The following LRRC27 variants were observed in gnomAD, a reference collection of about 807,000 sequenced individuals.
LRRC27 encodes the protein leucine rich repeat containing 27, also known as leucine-rich repeat-containing protein 27.
A neutral mutation model predicts 55.0 loss-of-function variants in LRRC27; 57 were observed. That is an observed-to-expected ratio of 1.04 (90% CI 0.84 to 1.29). The LOEUF (loss-of-function observed/expected upper bound fraction) is 1.29. LRRC27 is among the 50% of genes most tolerant of loss of function. The probability of loss-of-function intolerance (pLI) is 0.00; values close to 1 mark genes in which losing one functional copy is unlikely to be tolerated. For missense variants in LRRC27, 721 were observed against 651.5 expected (o/e 1.11, Z -1.16); for synonymous variants, 278 against 251.9 (o/e 1.10, Z -0.98).
chr10:132,363,481 T>A (rs2497652), intron 9 of LRRC27, among the ~76,000 whole-genome samples: 1,948 of 152,196 alleles, frequency 0.013, 37 homozygotes, highest in African/African-American at 0.044. Context: ...GCATTTCCCA[T>A]GCCGACTCTT....
intron 6 of LRRC27, chr10:132,349,183 G>A: frequency 1.4e-6 from 1 of 719,512 alleles, no homozygotes; most frequent in Non-Finnish European, 2.4e-6. Context: ...TTCTCAAGGG[G>A]CACATTGTCA....
At position 132,377,118 on chromosome 10, in the gene LRRC27, T is replaced by G. The variant is rs2069347434; in HGVS notation, c.*1876T>G. The G allele has an allele frequency of 6.6e-6, 1 of 152,258 alleles. No individual in the cohort carries two copies. The highest frequency in any genetic ancestry group is 2.4e-5 in the African/African-American group (1 of 41,456). The allele number at this position is 152,258 out of a possible 1,614,324, so 9.4% of individuals were successfully genotyped here. Reference sequence around the variant, plus strand: ...GCTGTTTTGGTCAGCGTTTTCATAATGCATCTTCTTCCCTCCTTCTACTGT... The same window carrying G: ...GCTGTTTTGGTCAGCGTTTTCATAAGGCATCTTCTTCCCTCCTTCTACTGT... On this transcript the variant is annotated 3_prime_UTR_variant, in exon 11 of 11. Transcript: ENST00000368614.
At chr10:132,361,680 T>TCCAGGCTGTGGCGGGCC (rs1210475720) in intron 9 of LRRC27, 105 bp downstream of exon 9, 71 of 842,740 alleles carry the variant, frequency 8.4e-5, no homozygotes, top group African/African-American at 3.0e-4. Flanking sequence ...GCCCTGAAAC[T>TCCAGGCTGTGGCGGGCC]CCAGGCTGTG....
intron 7 of LRRC27, among the ~76,000 whole-genome samples, chr10:132,352,517 G>GCGCTCGTGGTCTGCAGGGCGTTGC (rs1170253699): frequency 4.3e-5 from 3 of 69,680 alleles, no homozygotes; most frequent in African/African-American, 1.3e-4. Flanking sequence ...GGCAGGCGCA[G>GCGCTCGTGGTCTGCAGGGCGTTGC]GTGCAGCGCT....
In LRRC27 at chr10:132,372,937, TTCCTCAGCTGTTGAG is replaced by T. The variant is rs1316188010; in HGVS notation, c.1417-2128_1417-2114del. Among the ~76,000 whole-genome samples the T allele has an allele frequency of 6.6e-6, 1 of 150,694 alleles. No individual in the cohort carries two copies. The highest frequency in any genetic ancestry group is 1.5e-5 in the Non-Finnish European group (1 of 67,802). Reference sequence around the variant, plus strand: ...GTTCCAGGGCCTCAGTCACGAGAGGTTCCTCAGCTGTTGAGGGAAGCCCCAAGGTGAGGGAGAGGC... The same window carrying T: ...GTTCCAGGGCCTCAGTCACGAGAGGTGGAAGCCCCAAGGTGAGGGAGAGGC... On this transcript the variant is annotated intron_variant, in intron 10 of 10. Transcript: ENST00000368614. This position sits in a 1 kb window ranked among gnomAD's most constrained non-coding sequence, Gnocchi z 4.0.
In LRRC27 at chr10:132,361,546, G is replaced by C. The variant is rs2068615273; in HGVS notation, c.1260G>C (p.Glu420Asp). 4.3e-6 allele frequency: 7 copies of C among 1,613,742 alleles called. 2 individuals carry two copies. In the Middle Eastern group the frequency reaches 4.9e-4, roughly 114 times the overall value. ...NPPGKMKPSK[E>D]KSPQASKEMS... ...CTGGAAAAATGAAACCAAGCAAAGA[G>C]AAATCGCCACAAGCAAGTAAAGAAA... Residue 420 changes from glutamate (E) to aspartate (D), a missense_variant, in exon 9 of 11, where the codon GAG becomes GAC. Physicochemically the swap from Glu to Asp is conservative, Grantham distance 45. Transcript: ENST00000368614.
In LRRC27 at chr10:132,380,480, A is replaced by G. The variant is rs2069397481; in HGVS notation, c.*5238A>G. Among the ~76,000 whole-genome samples, 1 of 152,042 alleles carries G rather than the reference A, an allele frequency of 6.6e-6. No homozygotes were observed. Among genetic ancestry groups the G allele is most frequent in the Non-Finnish European group, 1.5e-5 (1 of 68,022 alleles). On this transcript the variant is annotated 3_prime_UTR_variant, in exon 11 of 11. Coordinates refer to ENST00000368614, the MANE Select transcript of LRRC27 (RefSeq NM_030626.3). ...CACGAGCGGTTCATGTCTTCAGTAC[A>G]TTGTGTATCACGGTAAAAAGTGATC...
intron 2 of LRRC27, chr10:132,336,920 A>G (rs945441911): frequency 1.9e-5 from 12 of 647,640 alleles, no homozygotes; most frequent in Admixed American, 1.8e-4. Context: ...TGTGAATGTT[A>G]TATGCATTTT....
intron 9 of LRRC27, 102 bp downstream of exon 9, chr10:132,361,677 A>G (rs2068621115): frequency 8.2e-6 from 7 of 854,370 alleles, no homozygotes; most frequent in African/African-American, 1.7e-5. Context: ...GGAGCCCTGA[A>G]ACTCCAGGCT....
chr10:132,370,977 A>G (rs919848668), intron 10 of LRRC27, among the ~76,000 whole-genome samples: 2 of 152,260 alleles, frequency 1.3e-5, no homozygotes, highest in Non-Finnish European at 2.9e-5. Flanking sequence ...GCAGCGTTAG[A>G]GACGAGTCCT....
In LRRC27 at chr10:132,377,471, A is replaced by C. The variant is rs1418011034; in HGVS notation, c.*2229A>C. 4.6e-5 allele frequency: 7 copies of C among 152,102 alleles called. No homozygotes were observed. Among genetic ancestry groups the C allele is most frequent in the Non-Finnish European group, 1.0e-4 (7 of 68,046 alleles). 9.4% of individuals were successfully genotyped at this position (152,102 alleles called of 1,614,324 possible). On this transcript the variant is annotated 3_prime_UTR_variant, in exon 11 of 11. Transcript: ENST00000368614. ...TCCTGAATGAGCCAATGACCCTGAGAAGGTCCCTCCCATCTGCCAGTTCCC... is the reference window on the plus strand; with the variant it reads ...TCCTGAATGAGCCAATGACCCTGAGCAGGTCCCTCCCATCTGCCAGTTCCC...
upstream of LRRC27, chr10:132,331,859 G>A (rs908645288): frequency 2.9e-6 from 4 of 1,389,264 alleles, no homozygotes; most frequent in Non-Finnish European, 3.9e-6. Flanking sequence ...TGCTACCGTT[G>A]GCCGCGTGCG....
chr10:132,350,079 TG>T (rs545146645), intron 6 of LRRC27, among the ~76,000 whole-genome samples: 26 of 152,184 alleles, frequency 1.7e-4, no homozygotes, highest in Non-Finnish European at 3.7e-4. Context: ...CAGGGAGCAG[TG>T]GGCATGGTGA....
intron 6 of LRRC27, among the ~76,000 whole-genome samples, chr10:132,349,287 G>C (rs879835156): frequency 1.3e-5 from 2 of 152,210 alleles, no homozygotes; most frequent in African/African-American, 4.8e-5. Flanking sequence ...CGTCCAGCAC[G>C]AGCAGGTTCA....
intron 8 of LRRC27, among the ~76,000 whole-genome samples, chr10:132,357,084 C>A (rs1293448564): frequency 6.6e-6 from 1 of 152,230 alleles, no homozygotes; most frequent in African/African-American, 2.4e-5. Flanking sequence ...TTTTGACTTA[C>A]AGGAAAGTTG....
Position 132,376,299 on chromosome 10 carries a change from T to C in LRRC27, c.*1057T>C, listed in dbSNP as rs995929865. ...TTCTGTCTCATGGGTCTCTGCGCCC[T>C]GCACTTCGTACTTTCCGAGAGTTTA... is the stretch of plus-strand genomic sequence containing the variant. On this transcript the variant is annotated 3_prime_UTR_variant, in exon 11 of 11. Transcript: ENST00000368614. 2 of 152,274 alleles carry C rather than the reference T, an allele frequency of 1.3e-5. No homozygotes were observed. The highest frequency in any genetic ancestry group is 4.8e-5 in the African/African-American group (2 of 41,476). 9.4% of individuals were successfully genotyped at this position (152,274 alleles called of 1,614,324 possible).
At chr10:132,331,957 G>A, upstream of LRRC27, 1 of 498,022 alleles carries the variant, frequency 2.0e-6, no homozygotes, top group Non-Finnish European at 3.3e-6. Context: ...CAGCGCAGGC[G>A]CACCACACCC....
At chr10:132,349,304 C>T (rs968772898) in intron 6 of LRRC27, among the ~76,000 whole-genome samples, 1 of 152,208 alleles carries the variant, frequency 6.6e-6, no homozygotes, top group Non-Finnish European at 1.5e-5. Flanking sequence ...TTCACAGTGG[C>T]ACCAGACCTT....
chr10:132,361,868 A>G (rs2497649), intron 9 of LRRC27, among the ~76,000 whole-genome samples: 41,072 of 151,540 alleles, frequency 0.27, 5,952 homozygotes, highest in Middle Eastern at 0.34. Flanking sequence ...TGTGGGCGCC[A>G]AGGGGAGACG....
Sources: gnomAD v4.1 joint callset for allele counts (sites outside exome capture counted in the v4.1 genomes callset) on GRCh38, gnomAD v4.1.1 for gene constraint, Gnocchi (gnomAD v3.1) non-coding constraint, MANE v1.5 for transcripts, NCBI Gene and HGNC (gene_info 2026-07-23, HGNC 2026-07-21) for gene names.